Variants in ZPLD1 observed in about 807,000 individuals in gnomAD.
The protein encoded by ZPLD1 is zona pellucida-like domain-containing protein 1.
Under a neutral mutation model 47.2 loss-of-function variants are expected in ZPLD1, and 34 were observed. The ratio of observed to expected loss-of-function variants is 0.72; its 90% CI spans 0.55 to 0.96. The LOEUF (loss-of-function observed/expected upper bound fraction) is 0.96. Ranked by LOEUF, ZPLD1 falls within the 40% of genes least tolerant of loss-of-function variation. The probability of loss-of-function intolerance (pLI) is 0.00; values close to 1 mark genes in which losing one functional copy is unlikely to be tolerated. For synonymous variants in ZPLD1, 176 were observed against 186.2 expected (o/e 0.95, Z 0.45); for missense variants, 512 against 505.8 (o/e 1.01, Z -0.12).
At position 102,478,154 on chromosome 3, in the gene ZPLD1, C is replaced by T. The variant is rs1158550666; in HGVS notation, c.*536C>T. ...ACCTCCTGTGTTTTTGGCCGATTTT[C>T]ATGTCTGACCATATTCATTTTAAAA... On this transcript the variant is annotated 3_prime_UTR_variant, in exon 12 of 12. Transcript: ENST00000466937. The T allele has an allele frequency of 6.6e-6, 1 of 152,196 alleles. No homozygotes were observed. Among genetic ancestry groups the T allele is most frequent in the African/African-American group, 2.4e-5 (1 of 41,434 alleles). 9.4% of individuals were successfully genotyped at this position (152,196 alleles called of 1,614,324 possible). A position where few individuals can be genotyped will look rare whatever the true frequency, so the allele number is the denominator to read the frequency against.
chr3:102,435,187 T>G, intron 1 of ZPLD1, 33 bp downstream of exon 1: 1 of 1,612,128 alleles, frequency 6.2e-7, no homozygotes, highest in Non-Finnish European at 8.5e-7. Context: ...TGCAAGATAA[T>G]AGTTCATCAG....
intron 7 of ZPLD1, among the ~76,000 whole-genome samples, chr3:102,401,292 A>G (rs1270093031): frequency 6.6e-6 from 1 of 151,996 alleles, no homozygotes; most frequent in East Asian, 1.9e-4. Context: ...ATCTCAAAAG[A>G]CTGCTAAAAT....
chr3:102,392,511 TCTTCCTTCCTTC>T (rs201506485), intron 7 of ZPLD1, among the ~76,000 whole-genome samples: 4 of 150,636 alleles, frequency 2.7e-5, no homozygotes, highest in African/African-American at 7.4e-5. Flanking sequence ...TTCCTTTCTT[TCTTCCTTCCTTC>T]CTTCCTTCCT....
At position 102,477,084 on chromosome 3, in the gene ZPLD1, G is replaced by T. The variant is rs1004584648; in HGVS notation, c.1072+43G>T. 5 of 1,605,110 alleles carry T rather than the reference G, an allele frequency of 3.1e-6. No individual in the cohort carries two copies. In the African/African-American group the frequency reaches 4.0e-5, roughly 13 times the overall value. ...TTTTGCAATGTTTTTTACATTTTTG[G>T]TGATCAGTTACAAAGCTGTAATCAT... On this transcript the variant is annotated intron_variant, in intron 11 of 11. Coordinates refer to ENST00000466937, the MANE Select transcript of ZPLD1 (RefSeq NM_001329788.2).
chr3:102,435,525 T>C (rs1433119436), intron 1 of ZPLD1, among the ~76,000 whole-genome samples: 2 of 152,220 alleles, frequency 1.3e-5, no homozygotes, highest in African/African-American at 4.8e-5. Context: ...GGGTACGACC[T>C]GCACATCAAT....
chr3:102,395,500 T>C (rs1301789041), intron 7 of ZPLD1, among the ~76,000 whole-genome samples: 1 of 152,112 alleles, frequency 6.6e-6, no homozygotes, highest in Non-Finnish European at 1.5e-5. Context: ...GTAGGCAGCC[T>C]CTGGGGGCTG....
At chr3:102,442,053 C>T (rs1158216703) in intron 3 of ZPLD1, among the ~76,000 whole-genome samples, 4 of 152,032 alleles carry the variant, frequency 2.6e-5, no homozygotes, top group Non-Finnish European at 4.4e-5. Flanking sequence ...GAAAGACATT[C>T]CTGGGTCACA....
intron 7 of ZPLD1, among the ~76,000 whole-genome samples, chr3:102,417,703 G>A (rs995188427): frequency 3.3e-5 from 5 of 151,882 alleles, no homozygotes; most frequent in African/African-American, 4.8e-5. Flanking sequence ...CATCTTTCAC[G>A]AAGCACAACA....
chr3:102,462,241 TG>T, intron 6 of ZPLD1, 39 bp from the exon 7 acceptor site: 1 of 1,302,558 alleles, frequency 7.7e-7, no homozygotes, highest in South Asian at 1.3e-5. Context: ...GTGCTGTTGT[TG>T]GGGAGGTAAT....
At chr3:102,466,813 A>T (rs1707600320) in intron 8 of ZPLD1, among the ~76,000 whole-genome samples, 1 of 152,098 alleles carries the variant, frequency 6.6e-6, no homozygotes, top group Admixed American at 6.5e-5. Context: ...AGTAAGAAAG[A>T]TAGAAATAAA....
In ZPLD1 at chr3:102,477,930, T is replaced by C. The variant is rs1707783363; in HGVS notation, c.*312T>C. On this transcript the variant is annotated 3_prime_UTR_variant, in exon 12 of 12. Transcript: ENST00000466937. Reference sequence around the variant, plus strand: ...ATTTCAGTTTTCTTTTGATTGTTGGTTAAAAGATAAAAGGTGGGAGTAGAC... The same window carrying C: ...ATTTCAGTTTTCTTTTGATTGTTGGCTAAAAGATAAAAGGTGGGAGTAGAC... 5.2e-6 allele frequency: 1 copy of C among 192,304 alleles called. No individual in the cohort carries two copies. Among genetic ancestry groups the C allele is most frequent in the Admixed American group, 6.1e-5 (1 of 16,444 alleles). 11.9% of individuals were successfully genotyped at this position (192,304 alleles called of 1,614,324 possible). A position where few individuals can be genotyped will look rare whatever the true frequency, so the allele number is the denominator to read the frequency against.
chr3:102,421,515 T>C (rs1192201309), intron 8 of ZPLD1, among the ~76,000 whole-genome samples: 1 of 151,950 alleles, frequency 6.6e-6, no homozygotes. Flanking sequence ...TGTGCTCATG[T>C]ATTTGAATTC....
At chr3:102,391,489 G>A (rs62274719) in intron 6 of ZPLD1, among the ~76,000 whole-genome samples, 15 of 152,004 alleles carry the variant, frequency 9.9e-5, no homozygotes, top group Non-Finnish European at 2.2e-4. Context: ...CTGAATCTCG[G>A]TATAAAAAGT....
intron 8 of ZPLD1, among the ~76,000 whole-genome samples, chr3:102,427,110 T>A (rs1388080543): frequency 6.6e-6 from 1 of 152,066 alleles, no homozygotes; most frequent in Non-Finnish European, 1.5e-5. Flanking sequence ...GGGGTGAAAA[T>A]GTGTTTTGGA....
chr3:102,449,595 T>C (rs1707306638), intron 3 of ZPLD1, among the ~76,000 whole-genome samples: 1 of 152,214 alleles, frequency 6.6e-6, no homozygotes, highest in Non-Finnish European at 1.5e-5. Flanking sequence ...CATTATCTAC[T>C]AGTCACTGGG....
intron 3 of ZPLD1, among the ~76,000 whole-genome samples, chr3:102,448,946 GT>G (rs1200018765): frequency 2.0e-5 from 3 of 152,208 alleles, no homozygotes; most frequent in Non-Finnish European, 1.5e-5. Context: ...ATAAAGTGAA[GT>G]TGTAGTGAAC....
upstream of ZPLD1, among the ~76,000 whole-genome samples, chr3:102,432,843 G>T (rs1275402378): frequency 2.6e-5 from 4 of 152,008 alleles, no homozygotes; most frequent in Non-Finnish European, 5.9e-5. Context: ...CATAGATCTG[G>T]GTTGTTCATA....
intron 8 of ZPLD1, among the ~76,000 whole-genome samples, chr3:102,427,935 A>T (rs2107311796): frequency 6.6e-6 from 1 of 152,284 alleles, no homozygotes; most frequent in Non-Finnish European, 1.5e-5. Context: ...TTCCCATATT[A>T]ACTTCTGTAA....
At chr3:102,424,610 G>C (rs1706919917) in intron 8 of ZPLD1, among the ~76,000 whole-genome samples, 1 of 152,044 alleles carries the variant, frequency 6.6e-6, no homozygotes, top group East Asian at 1.9e-4. Flanking sequence ...TTCGGCCCAT[G>C]GGTACCATGT....
Sources: allele counts gnomAD v4.1 joint callset (sites outside exome capture counted in the v4.1 genomes callset), GRCh38; gene constraint gnomAD v4.1.1; transcripts MANE v1.5; gene names NCBI Gene and HGNC (gene_info 2026-07-23, HGNC 2026-07-21).